EFCAB11: variants seen among roughly 807,000 people sequenced by gnomAD.
EFCAB11 encodes the protein EF-hand calcium binding domain 11.
A neutral mutation model predicts 23.0 loss-of-function variants in EFCAB11; 14 were observed. That is an observed-to-expected ratio of 0.61 (90% CI 0.40 to 0.95). The LOEUF is 0.95. EFCAB11 is among the 40% of genes least tolerant of loss of function. The pLI, the probability that EFCAB11 is intolerant of heterozygous loss-of-function variation, is 0.00. For synonymous variants in EFCAB11, 65 were observed against 66.6 expected, an observed-to-expected ratio of 0.98 and a Z score of 0.11; for missense variants, 198 against 195.8, an observed-to-expected ratio of 1.01 and a Z score of -0.07.
At chr14:89,896,826 C>T (rs879391787) in intron 5 of EFCAB11, among the ~76,000 whole-genome samples, 2 of 152,128 alleles carry the variant, frequency 1.3e-5, no homozygotes, top group Non-Finnish European at 2.9e-5. Context: ...TGGGCCCAAG[C>T]GATCCTCCCA....
rs796509548 is a variant in EFCAB11, at chr14:89,798,990, T to A, written c.411-1666A>T. On this transcript the variant is annotated intron_variant, in intron 5 of 5. Transcript: ENST00000316738. ...TTTTGGTAAAGATGGGGTTTCACTA[T>A]GTTGGCGAGGCTGGTCTCGAACTCC... 5.3e-5 allele frequency among the ~76,000 whole-genome samples: 8 copies of A among 152,162 alleles called. No homozygotes were observed. In the South Asian group the frequency reaches 1.5e-3, roughly 28 times the overall value.
chr14:89,893,152 T>G lies in EFCAB11; in HGVS notation c.410+38389A>C, dbSNP rs143969126. 5.8e-3 allele frequency among the ~76,000 whole-genome samples: 881 copies of G among 152,290 alleles called. 9 individuals carry two copies. The highest frequency in any genetic ancestry group is 0.02 in the African/African-American group (851 of 41,568). Reference sequence around the variant, plus strand: ...TGTGATGTGCCCACTCTGGCAGCATTCCTGGGCTCAGACACTGAGAAGCCA... The same window carrying G: ...TGTGATGTGCCCACTCTGGCAGCATGCCTGGGCTCAGACACTGAGAAGCCA... On this transcript the variant is annotated intron_variant, in intron 5 of 5. Transcript: ENST00000316738.
At chr14:89,953,440 T>C (rs1450479885) in intron 2 of EFCAB11, among the ~76,000 whole-genome samples, 1 of 152,230 alleles carries the variant, frequency 6.6e-6, no homozygotes, top group Non-Finnish European at 1.5e-5. Context: ...AAACTGTTAA[T>C]GGTAATCCCC....
intron 5 of EFCAB11, among the ~76,000 whole-genome samples, chr14:89,910,954 TGTACAAA>T (rs934633332): frequency 4.6e-5 from 7 of 152,232 alleles, no homozygotes; most frequent in African/African-American, 1.7e-4. Context: ...AATATTCGGA[TGTACAAA>T]GTACAAACCA....
intron 5 of EFCAB11, among the ~76,000 whole-genome samples, chr14:89,929,044 TAC>T (rs747390324): frequency 4.3e-5 from 6 of 138,910 alleles, no homozygotes; most frequent in African/African-American, 8.5e-5. Context: ...TATATATATA[TAC>T]ACACACACAT....
intron 5 of EFCAB11, among the ~76,000 whole-genome samples, chr14:89,870,982 G>A (rs1243539982): frequency 6.6e-6 from 1 of 152,100 alleles, no homozygotes; most frequent in African/African-American, 2.4e-5. Context: ...CTCCCGCTGT[G>A]TTCCTTCTTG....
chr14:89,858,877 A>C (rs192452707), intron 5 of EFCAB11, among the ~76,000 whole-genome samples: 2 of 152,250 alleles, frequency 1.3e-5, no homozygotes, highest in African/African-American at 4.8e-5. Context: ...TACGATATAC[A>C]TAAGAGTGGG....
intron 5 of EFCAB11, among the ~76,000 whole-genome samples, chr14:89,888,252 A>T (rs1888854517): frequency 6.6e-6 from 1 of 152,246 alleles, no homozygotes; most frequent in Admixed American, 6.5e-5. Flanking sequence ...TGGTGCCCTT[A>T]TAAGGGGCTG....
intron 5 of EFCAB11, chr14:89,892,469 A>C (rs530269203): frequency 1.5e-5 from 23 of 1,510,838 alleles, no homozygotes; most frequent in Non-Finnish European, 2.0e-5. Flanking sequence ...GGGTTAAAGC[A>C]GTCCCAGCCT....
At chr14:89,880,418 A>G (rs947873021) in intron 5 of EFCAB11, among the ~76,000 whole-genome samples, 4 of 152,204 alleles carry the variant, frequency 2.6e-5, no homozygotes, top group Non-Finnish European at 4.4e-5. Flanking sequence ...GTTTTGTTAT[A>G]GCAGCTCAAA....
At chr14:89,812,515 A>G (rs530709032) in intron 5 of EFCAB11, among the ~76,000 whole-genome samples, 13 of 152,332 alleles carry the variant, frequency 8.5e-5, no homozygotes, top group African/African-American at 3.1e-4. Context: ...AAATTTGACA[A>G]CAAGAAACAC....
chr14:89,913,606 A>AT (rs1448017950), intron 5 of EFCAB11, among the ~76,000 whole-genome samples: 3 of 152,296 alleles, frequency 2.0e-5, no homozygotes, highest in Admixed American at 6.5e-5. Context: ...ATTCCTAAAA[A>AT]ATATATATAC....
intron 3 of EFCAB11, among the ~76,000 whole-genome samples, chr14:89,941,898 T>C (rs1890808404): frequency 1.3e-5 from 2 of 152,088 alleles, no homozygotes; most frequent in African/African-American, 4.8e-5. Flanking sequence ...TGGCTCTGTG[T>C]CCTTACCCTA....
At chr14:89,952,523 T>C in intron 2 of EFCAB11, 1 of 985,470 alleles carries the variant, frequency 1.0e-6, no homozygotes, top group African/African-American at 1.7e-5. Context: ...CCCTGACTAC[T>C]TCTCTGAGCT....
intron 5 of EFCAB11, among the ~76,000 whole-genome samples, chr14:89,822,352 G>A (rs1012037882): frequency 8.5e-5 from 13 of 152,204 alleles, no homozygotes; most frequent in African/African-American, 2.4e-4. Flanking sequence ...GCGTATAAGC[G>A]TGCTTGTTTT....
At chr14:89,812,745 C>T (rs1264141781) in intron 5 of EFCAB11, among the ~76,000 whole-genome samples, 2 of 152,162 alleles carry the variant, frequency 1.3e-5, no homozygotes, top group South Asian at 2.1e-4. Flanking sequence ...ATGCTTAGAT[C>T]ATCACCCCAT....
chr14:89,858,376 A>G lies in EFCAB11; in HGVS notation c.411-61052T>C, dbSNP rs943293547. On this transcript the variant is annotated intron_variant, in intron 5 of 5. Coordinates refer to ENST00000316738, the MANE Select transcript of EFCAB11 (RefSeq NM_145231.4). ...ACTCCCAGATTCCTGACCCACAGAT[A>G]CTGGAGAGATACTAAATGTTTATTG... Among the ~76,000 whole-genome samples, 9 of 152,234 alleles carry G rather than the reference A, an allele frequency of 5.9e-5. No individual in the cohort carries two copies. The East Asian group carries it at 7.7e-4, about 13-fold the overall frequency.
chr14:89,945,435 C>A (rs1890945673), intron 3 of EFCAB11, among the ~76,000 whole-genome samples: 1 of 152,130 alleles, frequency 6.6e-6, no homozygotes, highest in Non-Finnish European at 1.5e-5. Flanking sequence ...TCATTCAATT[C>A]AAAATACTTC....
At chr14:89,900,625 C>T (rs1889311181) in intron 5 of EFCAB11, among the ~76,000 whole-genome samples, 1 of 152,114 alleles carries the variant, frequency 6.6e-6, no homozygotes, top group African/African-American at 2.4e-5. Flanking sequence ...ATTGGCCATG[C>T]CTGGAGATAG....
Sources: allele counts gnomAD v4.1 joint callset (sites outside exome capture counted in the v4.1 genomes callset), GRCh38; gene constraint gnomAD v4.1.1; transcripts MANE v1.5; gene names NCBI Gene and HGNC (gene_info 2026-07-23, HGNC 2026-07-21).